Variants in BAG3 observed in about 807,000 individuals in gnomAD.
BAG3 encodes BAG cochaperone 3, also known as BAG family molecular chaperone regulator 3.
In BAG3, 14 loss-of-function variants were observed where a neutral mutation model predicts 40.5. That is an observed-to-expected ratio of 0.35 (90% CI 0.23 to 0.54). BAG3 has a LOEUF of 0.54. Ranked by LOEUF, BAG3 falls within the 20% of genes least tolerant of loss-of-function variation. The pLI is 0.91. For missense variants in BAG3, 788 were observed against 758.6 expected (o/e 1.04, Z -0.46); for synonymous variants, 302 against 307.8 (o/e 0.98, Z 0.20).
intron 3 of BAG3, among the ~76,000 whole-genome samples, chr10:119,673,099 T>A (rs1847175852): frequency 6.6e-6 from 1 of 152,160 alleles, no homozygotes; most frequent in African/African-American, 2.4e-5. Flanking sequence ...CCTGTGCCTT[T>A]GCCCATGCTG....
intron 1 of BAG3, among the ~76,000 whole-genome samples, chr10:119,654,813 T>C (rs1176026009): frequency 6.6e-6 from 1 of 152,228 alleles, no homozygotes; most frequent in Admixed American, 6.5e-5. Context: ...TCTGGAGTGC[T>C]GTTCCCGCCA....
chr10:119,668,238 G>A (rs1276375563), intron 1 of BAG3, among the ~76,000 whole-genome samples: 2 of 152,226 alleles, frequency 1.3e-5, no homozygotes, highest in African/African-American at 4.8e-5. Flanking sequence ...GGGCCTGAAA[G>A]GGCTAAACCA....
In BAG3 at chr10:119,657,985, T is replaced by C. The variant is rs568974712; in HGVS notation, c.180+6130T>C. Among the ~76,000 whole-genome samples the C allele has an allele frequency of 2.8e-4, 43 of 152,380 alleles. 1 individual carries two copies. The East Asian group carries it at 8.1e-3, about 29-fold the overall frequency. Reference sequence around the variant, plus strand: ...GTGCCAGCTCTGTGCGTCAGGAGCCTGTAAACAGCTCAGCTGTCCAAGAGC... The same window carrying C: ...GTGCCAGCTCTGTGCGTCAGGAGCCCGTAAACAGCTCAGCTGTCCAAGAGC... On this transcript the variant is annotated intron_variant, in intron 1 of 3. Coordinates refer to ENST00000369085, the MANE Select transcript of BAG3 (RefSeq NM_004281.4).
At chr10:119,667,129 AC>A (rs1413877738) in intron 1 of BAG3, among the ~76,000 whole-genome samples, 5 of 152,172 alleles carry the variant, frequency 3.3e-5, no homozygotes, top group African/African-American at 1.2e-4. Context: ...GGTGCCCCCC[AC>A]CATGCCCAGC....
At chr10:119,661,552 A>G (rs148661966) in intron 1 of BAG3, among the ~76,000 whole-genome samples, 264 of 152,262 alleles carry the variant, frequency 1.7e-3, no homozygotes, top group Middle Eastern at 0.014. Context: ...AAGAGAAGCA[A>G]TGTTGGTTTC....
chr10:119,666,068 C>T (rs1335082713), intron 1 of BAG3, among the ~76,000 whole-genome samples: 1 of 152,184 alleles, frequency 6.6e-6, no homozygotes, highest in Non-Finnish European at 1.5e-5. Context: ...TTCCCCTTCC[C>T]CCCACATGCC....
At position 119,651,504 on chromosome 10, in the gene BAG3, C is replaced by T. The variant is rs935190752; in HGVS notation, c.-172C>T. The T allele has an allele frequency of 1.9e-6, 1 of 521,672 alleles. No homozygotes were observed. Among genetic ancestry groups the T allele is most frequent in the Non-Finnish European group, 3.1e-6 (1 of 321,510 alleles). The allele number at this position is 521,672 out of a possible 1,614,324, so 32.3% of individuals were successfully genotyped here. A position where few individuals can be genotyped will look rare whatever the true frequency, so the allele number is the denominator to read the frequency against. Reference sequence around the variant, plus strand: ...GCGAGGAGGCTATTTCCAGACACTTCCACCCCTCTCTGGCCACGTCACCCC... The same window carrying T: ...GCGAGGAGGCTATTTCCAGACACTTTCACCCCTCTCTGGCCACGTCACCCC... On this transcript the variant is annotated 5_prime_UTR_variant, in exon 1 of 4. Coordinates refer to ENST00000369085, the MANE Select transcript of BAG3 (RefSeq NM_004281.4).
At chr10:119,663,704 T>G (rs1216966344) in intron 1 of BAG3, among the ~76,000 whole-genome samples, 5 of 152,188 alleles carry the variant, frequency 3.3e-5, no homozygotes, top group Non-Finnish European at 7.3e-5. Flanking sequence ...TAGTCGTTTT[T>G]AGATTTCTGT....
chr10:119,656,802 T>C (rs1030808990), intron 1 of BAG3: 10 of 152,148 alleles, frequency 6.6e-5, no homozygotes, highest in African/African-American at 2.4e-4. Context: ...TATATATATA[T>C]ATGTGCCAGA....
In BAG3 at chr10:119,651,785, C is replaced by T. The variant is rs751595824; in HGVS notation, c.110C>T (p.Pro37Leu). ...AAGATCGACCCGCAGACCGGCTGGCCCTTCTTCGTGGACCACAACAGCCGC... is the reference window on the plus strand; with the variant it reads ...AAGATCGACCCGCAGACCGGCTGGCTCTTCTTCGTGGACCACAACAGCCGC... ...EIKIDPQTGW[P>L]FFVDHNSRTT... Residue 37 changes from proline to leucine, a missense_variant, in exon 1 of 4, where the codon CCC becomes CTC. Coordinates refer to ENST00000369085, the MANE Select transcript of BAG3 (RefSeq NM_004281.4). 1.9e-6 allele frequency: 3 copies of T among 1,602,710 alleles called. No individual in the cohort carries two copies. Among genetic ancestry groups the T allele is most frequent in the Middle Eastern group, 1.7e-4 (1 of 6,038 alleles).
intron 3 of BAG3, among the ~76,000 whole-genome samples, chr10:119,674,045 T>A (rs1847187036): frequency 6.6e-6 from 1 of 152,242 alleles, no homozygotes; most frequent in Non-Finnish European, 1.5e-5. Context: ...CAGGATGTCT[T>A]CCAGGACTGA....
intron 1 of BAG3, among the ~76,000 whole-genome samples, chr10:119,655,478 G>T (rs1419858776): frequency 6.6e-6 from 1 of 152,210 alleles, no homozygotes; most frequent in African/African-American, 2.4e-5. Context: ...TATGATTGAA[G>T]TAGAGAGACC....
rs727504929 is a variant in BAG3 at position 119,651,789 on chromosome 10, C to G, written c.114C>G (p.Phe38Leu). Residue 38 changes from phenylalanine (F) to leucine (L), a missense_variant, in exon 1 of 4, where the codon TTC becomes TTG. Phe to Leu is a conservative substitution (Grantham distance 22, BLOSUM62 0). Coordinates refer to ENST00000369085, the MANE Select transcript of BAG3 (RefSeq NM_004281.4). ...TCGACCCGCAGACCGGCTGGCCCTT[C>G]TTCGTGGACCACAACAGCCGCACCA... ...IKIDPQTGWPFFVDHNSRTTT... is the reference protein window; with the variant it reads ...IKIDPQTGWPLFVDHNSRTTT... 3 of 1,602,432 alleles carry G rather than the reference C, an allele frequency of 1.9e-6. No individual in the cohort carries two copies. Among genetic ancestry groups the G allele is most frequent in the Non-Finnish European group, 2.6e-6 (3 of 1,175,120 alleles).
intron 1 of BAG3, among the ~76,000 whole-genome samples, chr10:119,652,057 G>T (rs2134050869): frequency 6.6e-6 from 1 of 152,164 alleles, no homozygotes; most frequent in Non-Finnish European, 1.5e-5. Flanking sequence ...CCCTTGACAG[G>T]CGTCGGGGCG....
chr10:119,652,082 G>A (rs1330949671), intron 1 of BAG3, among the ~76,000 whole-genome samples: 1 of 152,078 alleles, frequency 6.6e-6, no homozygotes, highest in Non-Finnish European at 1.5e-5. Context: ...GAGGCCCCGG[G>A]ATTCGGTGGC....
At chr10:119,660,434 T>C (rs964786380) in intron 1 of BAG3, among the ~76,000 whole-genome samples, 4 of 152,228 alleles carry the variant, frequency 2.6e-5, no homozygotes, top group African/African-American at 9.6e-5. Flanking sequence ...AAACTTTAGA[T>C]AAAGTCTTAA....
chr10:119,653,146 C>G (rs565603613), intron 1 of BAG3, among the ~76,000 whole-genome samples: 14 of 152,070 alleles, frequency 9.2e-5, no homozygotes, highest in Non-Finnish European at 1.9e-4. Flanking sequence ...ACTCCGGTGC[C>G]CAGCAGTGAG....
At chr10:119,670,300 C>A in intron 2 of BAG3, 123 bp downstream of exon 2, 1 of 1,081,464 alleles carries the variant, frequency 9.2e-7, no homozygotes, top group Non-Finnish European at 1.3e-6. Context: ...GCATCTGGGT[C>A]TAGCCTGCAG....
intron 1 of BAG3, among the ~76,000 whole-genome samples, chr10:119,666,909 C>T (rs1303859074): frequency 1.3e-5 from 2 of 152,210 alleles, no homozygotes; most frequent in African/African-American, 2.4e-5. Context: ...CAGCCACTAC[C>T]ATCTCCTCCA....
Sources: allele counts gnomAD v4.1 joint callset (sites outside exome capture counted in the v4.1 genomes callset), GRCh38; gene constraint gnomAD v4.1.1; transcripts MANE v1.5; gene names NCBI Gene and HGNC (gene_info 2026-07-23, HGNC 2026-07-21).